COL19A1: variants seen among roughly 807,000 people sequenced by gnomAD.
The protein encoded by COL19A1 is collagen type XIX alpha 1 chain, also known as collagen alpha-1(XIX) chain.
Under a neutral mutation model 190.2 loss-of-function variants are expected in COL19A1, and 159 were observed. The ratio of observed to expected loss-of-function variants is 0.84; its 90% CI spans 0.73 to 0.95. COL19A1 has a LOEUF of 0.95. Ranked by LOEUF, COL19A1 falls within the 40% of genes least tolerant of loss-of-function variation. COL19A1 has a pLI of 0.00. For synonymous variants in COL19A1, 509 were observed against 458.9 expected, an observed-to-expected ratio of 1.11 and a Z score of -1.39; for missense variants, 1,418 against 1,431.9, an observed-to-expected ratio of 0.99 and a Z score of 0.16.
At chr6:70,109,541 AGT>A (rs60219800) in intron 16 of COL19A1, among the ~76,000 whole-genome samples, 21,009 of 143,756 alleles carry the variant, frequency 0.15, 1,489 homozygotes, top group Non-Finnish European at 0.16. Flanking sequence ...CCGTTTTGTA[AGT>A]GTGTGTGTGT....
chr6:69,909,918 A>C (rs1770797823), intron 4 of COL19A1, among the ~76,000 whole-genome samples: 1 of 152,170 alleles, frequency 6.6e-6, no homozygotes, highest in African/African-American at 2.4e-5. Context: ...TTCTTTGGCC[A>C]GGCAGGAAAT....
chr6:70,203,637 C>T (rs767568253), intron 49 of COL19A1, among the ~76,000 whole-genome samples: 26 of 151,812 alleles, frequency 1.7e-4, no homozygotes, highest in Admixed American at 3.3e-4. Context: ...GGCCTTTTTC[C>T]GGTATGTATA....
intron 4 of COL19A1, among the ~76,000 whole-genome samples, chr6:69,907,725 C>T (rs1770655370): frequency 6.6e-6 from 1 of 152,148 alleles, no homozygotes. Context: ...CACAGAAGTT[C>T]CTAAAATGTT....
intron 25 of COL19A1, 22 bp downstream of exon 25, chr6:70,145,029 A>C (rs1207324688): frequency 1.3e-6 from 2 of 1,491,184 alleles, no homozygotes; most frequent in South Asian, 2.4e-5. Flanking sequence ...CCCTTTTGTT[A>C]ATATTTTTCT....
chr6:70,160,906 A>G lies in COL19A1; in HGVS notation c.2293-994A>G, dbSNP rs1303679931. ...TTACATGTTTTCTAACTTTTTTAAAACATGATTTTAATAATTGCAAAATAT... is the reference window on the plus strand; with the variant it reads ...TTACATGTTTTCTAACTTTTTTAAAGCATGATTTTAATAATTGCAAAATAT... On this transcript the variant is annotated intron_variant, in intron 34 of 50. Transcript: ENST00000620364. Among the ~76,000 whole-genome samples, 7 of 152,170 alleles carry G rather than the reference A, an allele frequency of 4.6e-5. No individual in the cohort carries two copies. In the East Asian group the frequency reaches 1.3e-3, roughly 29 times the overall value.
chr6:69,868,399 T>G (rs764627283), intron 1 of COL19A1, among the ~76,000 whole-genome samples: 5 of 151,866 alleles, frequency 3.3e-5, no homozygotes, highest in Non-Finnish European at 7.4e-5. Context: ...CTGACAGGGT[T>G]TTTGTGTAGG....
At chr6:70,168,326 A>C in intron 39 of COL19A1, 111 bp downstream of exon 39, 1 of 1,066,972 alleles carries the variant, frequency 9.4e-7, no homozygotes, top group Non-Finnish European at 1.4e-6. Context: ...GAATACAGCC[A>C]AATTTTACAG....
At chr6:70,074,498 CA>C (rs368408394) in intron 15 of COL19A1, among the ~76,000 whole-genome samples, 1,943 of 97,110 alleles carry the variant, frequency 0.02, 37 homozygotes, top group African/African-American at 0.072. Context: ...GACTCCACCT[CA>C]AAAAAAAAAA....
intron 19 of COL19A1, 95 bp from the exon 20 acceptor site, chr6:70,140,859 G>A (rs553585523): frequency 7.2e-6 from 8 of 1,115,376 alleles, no homozygotes; most frequent in Admixed American, 3.6e-5. Context: ...TTTGCAATGG[G>A]AATCTGAGTT....
At chr6:70,207,003 C>G (rs778759698) in intron 50 of COL19A1, 25 bp downstream of exon 50, 6 of 1,610,728 alleles carry the variant, frequency 3.7e-6, no homozygotes, top group Non-Finnish European at 5.1e-6. Flanking sequence ...GTCTTCACAA[C>G]ACAAGCAAGC....
chr6:70,017,833 A>T (rs1778203141), intron 11 of COL19A1, among the ~76,000 whole-genome samples: 1 of 152,174 alleles, frequency 6.6e-6, no homozygotes, highest in Non-Finnish European at 1.5e-5. Flanking sequence ...AAGGTGTCTG[A>T]TGGTGGTCAC....
intron 14 of COL19A1, among the ~76,000 whole-genome samples, chr6:70,043,406 A>G (rs1297994373): frequency 6.6e-6 from 1 of 151,956 alleles, no homozygotes; most frequent in African/African-American, 2.4e-5. Context: ...GTTAGCCAGG[A>G]TGGTCTCGAT....
intron 17 of COL19A1, 51 bp downstream of exon 17, chr6:70,121,993 T>C: frequency 1.6e-6 from 2 of 1,233,788 alleles, no homozygotes; most frequent in East Asian, 2.5e-5. Context: ...TTTTATATGA[T>C]TGTATTTTTG....
In COL19A1 at chr6:70,165,933, C is replaced by A; in HGVS notation, c.2401-8C>A. 6.2e-7 allele frequency: 1 copy of A among 1,613,572 alleles called. No individual in the cohort carries two copies. Among genetic ancestry groups the A allele is most frequent in the African/African-American group, 1.3e-5 (1 of 74,984 alleles). On this transcript the variant is annotated splice_region_variant and splice_polypyrimidine_tract_variant and intron_variant, in intron 36 of 50. Transcript: ENST00000620364. ...TACGCCGCTGATATGTCTATATATC[C>A]CTTGCAGGGCAGCGACGGACCCCCT...
At position 70,184,930 on chromosome 6, in the gene COL19A1, A is replaced by G. The variant is rs1464638087; in HGVS notation, c.2856+15A>G. 3.1e-6 allele frequency: 5 copies of G among 1,606,566 alleles called. No individual in the cohort carries two copies. Among genetic ancestry groups the G allele is most frequent in the Non-Finnish European group, 1.7e-6 (2 of 1,176,246 alleles). ...AAGGAGAACGTGTATGTATATTACT[A>G]TTGTGATTGTTATTCAAGTCTGTCT... On this transcript the variant is annotated intron_variant, in intron 46 of 50. Coordinates refer to ENST00000620364, the MANE Select transcript of COL19A1 (RefSeq NM_001858.6).
intron 14 of COL19A1, among the ~76,000 whole-genome samples, chr6:70,039,309 T>C (rs1779512030): frequency 6.6e-6 from 1 of 152,182 alleles, no homozygotes; most frequent in Non-Finnish European, 1.5e-5. Flanking sequence ...TGAGCAAACA[T>C]TTTGGAATTA....
chr6:70,143,041 A>G (rs1786366995), intron 23 of COL19A1, among the ~76,000 whole-genome samples: 1 of 152,138 alleles, frequency 6.6e-6, no homozygotes, highest in Non-Finnish European at 1.5e-5. Context: ...TTAGCCTAAT[A>G]AATTGGTTTT....
At chr6:69,936,761 C>T in intron 7 of COL19A1, 24 bp from the exon 8 acceptor site, 1 of 1,611,156 alleles carries the variant, frequency 6.2e-7, no homozygotes, top group East Asian at 2.2e-5. Context: ...ACCCCATTTC[C>T]TAAAGCCTCT....
Position 70,023,653 on chromosome 6 carries a change from A to C in COL19A1, c.1053A>C (p.Pro351=). ...GTGAACAAGGAGAAAAAGGAGATCC[A>C]GCTCTGGCTGGCCTTAATGGAGAAA... ...EKGEQGEKGD[P]ALAGLNGENG... The change falls in exon 12 of 51, where the codon CCA becomes CCC. Residue 351 remains proline, a synonymous_variant. Transcript: ENST00000620364. 1.9e-6 allele frequency: 3 copies of C among 1,611,248 alleles called. No individual in the cohort carries two copies. Among genetic ancestry groups the C allele is most frequent in the Non-Finnish European group, 2.5e-6 (3 of 1,179,326 alleles).
Sources: allele counts gnomAD v4.1 joint callset (sites outside exome capture counted in the v4.1 genomes callset), GRCh38; gene constraint gnomAD v4.1.1; transcripts MANE v1.5; gene names NCBI Gene and HGNC (gene_info 2026-07-23, HGNC 2026-07-21).